TAFA2: variants seen among roughly 807,000 people sequenced by gnomAD.
TAFA2 encodes the protein TAFA chemokine like family member 2.
TAFA2 carries 7 observed loss-of-function variants against 18.8 expected under a neutral mutation model. That is an observed-to-expected ratio of 0.37 (90% CI 0.21 to 0.70). TAFA2 has a LOEUF of 0.70. TAFA2 is among the 30% of genes least tolerant of loss of function. TAFA2 has a pLI of 0.53. For synonymous variants in TAFA2, 60 were observed against 54.2 expected, an observed-to-expected ratio of 1.11 and a Z score of -0.47; for missense variants, 122 against 158.1, an observed-to-expected ratio of 0.77 and a Z score of 1.23.
chr12:62,082,543 C>A (rs1868340234), intron 1 of TAFA2, among the ~76,000 whole-genome samples: 1 of 152,138 alleles, frequency 6.6e-6, no homozygotes, highest in Non-Finnish European at 1.5e-5. Flanking sequence ...TGGTTCCAAG[C>A]AGTGAGGCGC....
chr12:62,225,019 AG>A (rs2062779924), intron 1 of TAFA2, among the ~76,000 whole-genome samples: 1 of 152,118 alleles, frequency 6.6e-6, no homozygotes, highest in African/African-American at 2.4e-5. Flanking sequence ...ACTTGAACCC[AG>A]GAGGCGGAGG....
At chr12:61,959,632 C>T (rs1878813986) in intron 1 of TAFA2, among the ~76,000 whole-genome samples, 1 of 151,944 alleles carries the variant, frequency 6.6e-6, no homozygotes, top group African/African-American at 2.4e-5. Flanking sequence ...TGGAATTGAC[C>T]ATAAAGTATG....
At chr12:62,076,265 A>G (rs940236326) in intron 1 of TAFA2, among the ~76,000 whole-genome samples, 3 of 151,886 alleles carry the variant, frequency 2.0e-5, no homozygotes, top group Admixed American at 2.0e-4. Flanking sequence ...GAGAAATATG[A>G]AAAAAAAATT....
At chr12:62,103,847 C>G (rs1254008924) in intron 1 of TAFA2, among the ~76,000 whole-genome samples, 3 of 151,752 alleles carry the variant, frequency 2.0e-5, no homozygotes, top group Non-Finnish European at 4.4e-5. Flanking sequence ...GATAAATGAA[C>G]AATGTCTAAT....
intron 1 of TAFA2, among the ~76,000 whole-genome samples, chr12:61,931,146 G>C (rs1043353796): frequency 2.6e-5 from 4 of 152,050 alleles, no homozygotes; most frequent in Non-Finnish European, 5.9e-5. Context: ...TTTTTCATAA[G>C]GTATTCTGTG....
chr12:61,930,627 G>A lies in TAFA2; in HGVS notation c.-1-63201C>T, dbSNP rs1877515952. Among the ~76,000 whole-genome samples, 9 of 152,146 alleles carry A rather than the reference G, an allele frequency of 5.9e-5. 1 individual carries two copies. The South Asian group carries it at 1.9e-3, about 32-fold the overall frequency. On this transcript the variant is annotated intron_variant, in intron 1 of 4. Transcript: ENST00000416284. The stretch of plus-strand genomic sequence containing the variant: ...CACTCTAATCATCACGCTCTATACT[G>A]CTCCATTTAATAGAGCAACCATTTA...
intron 1 of TAFA2, among the ~76,000 whole-genome samples, chr12:61,957,471 G>T (rs7974010): frequency 1.3e-5 from 2 of 152,196 alleles, no homozygotes; most frequent in South Asian, 4.1e-4. Context: ...TTCTTCTGAA[G>T]TCAGGCCAAG....
intron 4 of TAFA2, among the ~76,000 whole-genome samples, chr12:61,736,222 G>A (rs564164048): frequency 1.3e-5 from 2 of 152,044 alleles, no homozygotes; most frequent in South Asian, 2.1e-4. Flanking sequence ...TCCAAGAGCC[G>A]ACTAATCTCT....
intron 2 of TAFA2, among the ~76,000 whole-genome samples, chr12:61,864,282 C>A (rs537233958): frequency 6.6e-6 from 1 of 150,848 alleles, no homozygotes; most frequent in East Asian, 2.0e-4. Context: ...GTGAAAGTCA[C>A]CAGGAGGAAA....
At chr12:62,047,201 G>C (rs1881932450) in intron 1 of TAFA2, among the ~76,000 whole-genome samples, 1 of 152,078 alleles carries the variant, frequency 6.6e-6, no homozygotes, top group South Asian at 2.1e-4. Context: ...CTGGTAGCAA[G>C]ATCTATGAGA....
chr12:61,853,220 C>T (rs1873749977), intron 2 of TAFA2, among the ~76,000 whole-genome samples: 1 of 151,990 alleles, frequency 6.6e-6, no homozygotes, highest in African/African-American at 2.4e-5. Context: ...ATTAAAAATA[C>T]AAGAGGCAAA....
chr12:62,080,390 G>T (rs1240361835), intron 1 of TAFA2, among the ~76,000 whole-genome samples: 1 of 152,154 alleles, frequency 6.6e-6, no homozygotes, highest in African/African-American at 2.4e-5. Context: ...ATACAAGTAT[G>T]TACAGGGGGT....
intron 1 of TAFA2, among the ~76,000 whole-genome samples, chr12:61,891,638 A>C (rs1875641468): frequency 6.6e-6 from 1 of 152,104 alleles, no homozygotes; most frequent in South Asian, 2.1e-4. Context: ...ACAAGAGCAA[A>C]AACTCTGTCA....
intron 1 of TAFA2, among the ~76,000 whole-genome samples, chr12:62,136,388 C>T (rs1383055200): frequency 6.6e-6 from 1 of 152,064 alleles, no homozygotes; most frequent in African/African-American, 2.4e-5. Flanking sequence ...CTTCTGTCAA[C>T]CCTAATAATT....
chr12:62,155,920 C>T (rs1321921583), intron 1 of TAFA2, among the ~76,000 whole-genome samples: 1 of 152,174 alleles, frequency 6.6e-6, no homozygotes, highest in African/African-American at 2.4e-5. Context: ...AAAGCAAATG[C>T]AATAAAACCA....
intron 1 of TAFA2, among the ~76,000 whole-genome samples, chr12:62,074,698 A>AT (rs67195424): frequency 0.04 from 5,465 of 137,522 alleles, 315 homozygotes; most frequent in African/African-American, 0.12. Context: ...AACTACATGA[A>AT]TTTTTTTTTT....
At chr12:61,872,689 C>T (rs1874668155) in intron 1 of TAFA2, among the ~76,000 whole-genome samples, 1 of 152,116 alleles carries the variant, frequency 6.6e-6, no homozygotes, top group African/African-American at 2.4e-5. Flanking sequence ...AGCACACTGG[C>T]TCTCCCACTA....
At chr12:61,886,415 C>G (rs1875383318) in intron 1 of TAFA2, among the ~76,000 whole-genome samples, 2 of 152,190 alleles carry the variant, frequency 1.3e-5, no homozygotes, top group South Asian at 2.1e-4. Flanking sequence ...GCTCCTGAAA[C>G]TTAGTCCTGC....
At chr12:61,774,176 A>G (rs1409107095) in intron 2 of TAFA2, among the ~76,000 whole-genome samples, 3 of 151,840 alleles carry the variant, frequency 2.0e-5, no homozygotes, top group African/African-American at 7.2e-5. Flanking sequence ...TCAAAAAATA[A>G]TATATGTTGG....
Sources: gnomAD v4.1 joint callset for allele counts (sites outside exome capture counted in the v4.1 genomes callset) on GRCh38, gnomAD v4.1.1 for gene constraint, MANE v1.5 for transcripts, NCBI Gene and HGNC (gene_info 2026-07-23, HGNC 2026-07-21) for gene names.